Variants in MED13L observed in about 807,000 individuals in gnomAD.
MED13L encodes the protein mediator complex subunit 13L.
Under a neutral mutation model 220.9 loss-of-function variants are expected in MED13L, and 7 were observed. That is an observed-to-expected ratio of 0.03 (90% confidence interval 0.02 to 0.06). The LOEUF (loss-of-function observed/expected upper bound fraction) is 0.06. MED13L is among the 10% of genes least tolerant of loss of function. The pLI is 1.00. For synonymous variants in MED13L, 1,011 were observed against 1,015.2 expected, an observed-to-expected ratio of 1.00 and a Z score of 0.08; for missense variants, 1,965 against 2,760.5, an observed-to-expected ratio of 0.71 and a Z score of 6.46.
chr12:115,975,338 G>A (rs1565987531), intron 24 of MED13L, 25 bp from the exon 25 acceptor site: 1 of 1,613,910 alleles, frequency 6.2e-7, no homozygotes, highest in Non-Finnish European at 8.5e-7. Flanking sequence ...AATGGGGAAG[G>A]GGAAGGGGTC....
chr12:116,143,640 T>G (rs1877264727), intron 2 of MED13L, among the ~76,000 whole-genome samples: 1 of 152,190 alleles, frequency 6.6e-6, no homozygotes, highest in Non-Finnish European at 1.5e-5. Flanking sequence ...TCTAAAATGT[T>G]TCCATCAAAT....
At chr12:116,182,209 G>A (rs1459523649) in intron 2 of MED13L, among the ~76,000 whole-genome samples, 1 of 152,076 alleles carries the variant, frequency 6.6e-6, no homozygotes, top group African/African-American at 2.4e-5. Context: ...GTTGAATATG[G>A]TTAGAAAAAA....
At chr12:116,200,124 A>ATTT (rs1881916886) in intron 2 of MED13L, among the ~76,000 whole-genome samples, 1 of 151,474 alleles carries the variant, frequency 6.6e-6, no homozygotes, top group Non-Finnish European at 1.5e-5. Context: ...AGCAAACATT[A>ATTT]TTTTAAATAG....
At chr12:116,026,317 TAAAA>T (rs1338450778) in intron 4 of MED13L, among the ~76,000 whole-genome samples, 1 of 152,068 alleles carries the variant, frequency 6.6e-6, no homozygotes. Context: ...GAAGCATAAA[TAAAA>T]AAGATTAAAA....
intron 2 of MED13L, among the ~76,000 whole-genome samples, chr12:116,131,352 A>G (rs1876049963): frequency 6.6e-6 from 1 of 152,252 alleles, no homozygotes; most frequent in African/African-American, 2.4e-5. Flanking sequence ...ATCAAGATTC[A>G]GCACGCAAAC....
intron 3 of MED13L, among the ~76,000 whole-genome samples, chr12:116,104,966 T>C (rs985677183): frequency 6.6e-6 from 1 of 152,230 alleles, no homozygotes; most frequent in African/African-American, 2.4e-5. Context: ...GCACATATTT[T>C]CCGGCTTTTT....
chr12:115,986,149 G>C, intron 19 of MED13L, 117 bp downstream of exon 19: 1 of 1,103,378 alleles, frequency 9.1e-7, no homozygotes, highest in Non-Finnish European at 1.4e-6. Context: ...TCATCCACCT[G>C]TTTGCAAATT....
chr12:116,171,427 A>G (rs75340218), intron 2 of MED13L, among the ~76,000 whole-genome samples: 9,635 of 152,304 alleles, frequency 0.063, 384 homozygotes, highest in African/African-American at 0.11. Flanking sequence ...TTATGGAATA[A>G]CATGAAATAA....
intron 2 of MED13L, among the ~76,000 whole-genome samples, chr12:116,144,224 A>G (rs1877302532): frequency 6.6e-6 from 1 of 152,204 alleles, no homozygotes; most frequent in Non-Finnish European, 1.5e-5. Context: ...ACCTTTCCTC[A>G]TTACTAAATG....
chr12:116,009,925 A>G (rs1386591845), intron 9 of MED13L, among the ~76,000 whole-genome samples: 3 of 152,216 alleles, frequency 2.0e-5, no homozygotes, highest in Admixed American at 2.0e-4. Flanking sequence ...ACTGCATGTC[A>G]GCCAGTACCT....
chr12:116,237,000 T>C, intron 2 of MED13L: 1 of 376,710 alleles, frequency 2.7e-6, no homozygotes. Flanking sequence ...TACTATTCAA[T>C]GTAATCTCAC....
chr12:116,233,598 G>GTACACAAT (rs907011766), intron 2 of MED13L, among the ~76,000 whole-genome samples: 2 of 152,120 alleles, frequency 1.3e-5, no homozygotes, highest in African/African-American at 4.8e-5. Flanking sequence ...CAGCCTGTAG[G>GTACACAAT]TCTTTGCACA....
chr12:116,031,767 G>GAAAAGAAAA (rs1566020980), intron 4 of MED13L, among the ~76,000 whole-genome samples: 6 of 129,266 alleles, frequency 4.6e-5, no homozygotes, highest in South Asian at 2.6e-4. Flanking sequence ...AAAGAAGGAA[G>GAAAAGAAAA]GAAGGAAGGA....
chr12:116,249,205 G>C (rs543090065), intron 1 of MED13L, among the ~76,000 whole-genome samples: 3 of 152,186 alleles, frequency 2.0e-5, no homozygotes, highest in Non-Finnish European at 2.9e-5. Context: ...AAAAAACACT[G>C]TTAAACACCT....
At chr12:116,078,593 T>A (rs895475648) in intron 4 of MED13L, among the ~76,000 whole-genome samples, 13 of 152,160 alleles carry the variant, frequency 8.5e-5, no homozygotes, top group African/African-American at 3.1e-4. Flanking sequence ...TGCCACCCAT[T>A]TCTTGTAAAT....
intron 2 of MED13L, among the ~76,000 whole-genome samples, chr12:116,123,737 C>T (rs1457783097): frequency 6.6e-6 from 1 of 152,124 alleles, no homozygotes; most frequent in Non-Finnish European, 1.5e-5. Context: ...TTGGCATTCT[C>T]TCCCCACCCC....
At chr12:116,080,769 T>C (rs1171496163) in intron 4 of MED13L, among the ~76,000 whole-genome samples, 6 of 152,248 alleles carry the variant, frequency 3.9e-5, no homozygotes, top group Non-Finnish European at 7.3e-5. Context: ...ACCAGGCATA[T>C]ACATCCTGTT....
intron 4 of MED13L, among the ~76,000 whole-genome samples, chr12:116,063,195 A>G (rs1566038139): frequency 1.3e-5 from 2 of 152,292 alleles, no homozygotes; most frequent in East Asian, 3.9e-4. Flanking sequence ...GGCAGCCCAG[A>G]AGACCACTTT....
chr12:116,057,516 G>A (rs957280339), intron 4 of MED13L, among the ~76,000 whole-genome samples: 12 of 151,514 alleles, frequency 7.9e-5, no homozygotes, highest in Non-Finnish European at 1.6e-4. Context: ...TCAGCACTCA[G>A]GTTCCAGAGA....
Sources: gnomAD v4.1 joint callset for allele counts (sites outside exome capture counted in the v4.1 genomes callset) on GRCh38, gnomAD v4.1.1 for gene constraint, MANE v1.5 for transcripts, NCBI Gene and HGNC (gene_info 2026-07-23, HGNC 2026-07-21) for gene names.